TANGO6: variants seen among roughly 807,000 people sequenced by gnomAD.
TANGO6 encodes transport and golgi organization 6 homolog, also known as transport and Golgi organization protein 6 homolog.
Under a neutral mutation model 114.2 loss-of-function variants are expected in TANGO6, and 90 were observed. The ratio of observed to expected loss-of-function variants is 0.79; its 90% CI spans 0.66 to 0.94. The LOEUF (loss-of-function observed/expected upper bound fraction) is 0.94, where lower values mean the gene tolerates loss of function less well. TANGO6 is among the 40% of genes least tolerant of loss of function. The pLI is 0.00. For missense variants in TANGO6, 1,274 were observed against 1,315.3 expected (o/e 0.97, Z 0.49); for synonymous variants, 477 against 509.8 (o/e 0.94, Z 0.87).
intron 15 of TANGO6, among the ~76,000 whole-genome samples, chr16:68,980,765 G>A (rs1487663455): frequency 3.3e-5 from 5 of 152,172 alleles, no homozygotes; most frequent in African/African-American, 7.2e-5. Flanking sequence ...TTGGGAGGCC[G>A]AGGTGGGCGG....
intron 12 of TANGO6, among the ~76,000 whole-genome samples, chr16:68,921,043 C>G (rs1156270645): frequency 1.4e-5 from 2 of 140,300 alleles, no homozygotes; most frequent in African/African-American, 5.4e-5. Flanking sequence ...GCGGAGGTTG[C>G]AGTGGGCGGA....
At chr16:68,992,235 C>T (rs1963952389) in intron 15 of TANGO6, among the ~76,000 whole-genome samples, 2 of 152,022 alleles carry the variant, frequency 1.3e-5, no homozygotes, top group Non-Finnish European at 2.9e-5. Context: ...AATAAGAATT[C>T]GACATATGGA....
At chr16:68,932,342 C>CG (rs1212124618) in intron 14 of TANGO6, among the ~76,000 whole-genome samples, 13 of 150,394 alleles carry the variant, frequency 8.6e-5, no homozygotes, top group Admixed American at 8.6e-4. Flanking sequence ...CCACCCGCCT[C>CG]GGCCTCCCAA....
In TANGO6 at chr16:68,860,384, T is replaced by G. The variant is rs1202406804; in HGVS notation, c.595T>G (p.Cys199Gly). ...TGCAACTCGAAGACTGTACACCAGC[T>G]GCAAGGCCCTTCTGAATGTTGCTCA... ...PDATRRLYTS[C>G]KALLNVAQHT... Residue 199 changes from cysteine to glycine, a missense_variant, in exon 2 of 18, where the codon TGC becomes GGC. Coordinates refer to ENST00000261778, the MANE Select transcript of TANGO6 (RefSeq NM_024562.2). 6.2e-7 allele frequency: 1 copy of G among 1,614,030 alleles called. No homozygotes were observed. The highest frequency in any genetic ancestry group is 1.7e-5 in the Admixed American group (1 of 60,018).
chr16:68,987,682 A>G (rs571161518), intron 15 of TANGO6, among the ~76,000 whole-genome samples: 3 of 152,288 alleles, frequency 2.0e-5, no homozygotes, highest in African/African-American at 7.2e-5. Context: ...TAAATTGTTT[A>G]TATACTAACA....
chr16:68,860,578 G>A, intron 2 of TANGO6, 54 bp downstream of exon 2: 1 of 1,570,264 alleles, frequency 6.4e-7, no homozygotes, highest in Admixed American at 1.8e-5. Flanking sequence ...ATGAATGTGT[G>A]TATATATTTG....
chr16:68,947,083 A>G (rs1247946839), intron 14 of TANGO6, among the ~76,000 whole-genome samples: 1 of 152,126 alleles, frequency 6.6e-6, no homozygotes, highest in Non-Finnish European at 1.5e-5. Flanking sequence ...CTTAATCTTA[A>G]TCTTATTTTT....
chr16:68,977,842 C>G (rs376994418), intron 15 of TANGO6, among the ~76,000 whole-genome samples: 86 of 151,722 alleles, frequency 5.7e-4, no homozygotes, highest in African/African-American at 1.9e-3. Flanking sequence ...CACACCACCA[C>G]GCCCGGCTAA....
intron 17 of TANGO6, among the ~76,000 whole-genome samples, chr16:69,063,808 C>CTTCTTCTTCTTATTATTATTATTA (rs56983779): frequency 7.2e-5 from 9 of 125,576 alleles, no homozygotes; most frequent in Admixed American, 2.6e-4. Flanking sequence ...TCTTCTTCTT[C>CTTCTTCTTCTTATTATTATTATTA]TTATTATTAT....
At chr16:68,966,770 A>ATTTT (rs772432410) in intron 14 of TANGO6, among the ~76,000 whole-genome samples, 1 of 129,088 alleles carries the variant, frequency 7.7e-6, no homozygotes, top group Admixed American at 7.9e-5. Flanking sequence ...TGTCTGGCTA[A>ATTTT]TTTTTTTTTT....
chr16:68,936,809 AT>A (rs1363030687), intron 14 of TANGO6, among the ~76,000 whole-genome samples: 2 of 148,906 alleles, frequency 1.3e-5, no homozygotes, highest in African/African-American at 5.0e-5. Context: ...AGAGAAAAAA[AT>A]AAAAAAAAAA....
intron 7 of TANGO6, among the ~76,000 whole-genome samples, chr16:68,892,764 C>CTTGG (rs1555521804): frequency 6.6e-6 from 1 of 152,174 alleles, no homozygotes; most frequent in Non-Finnish European, 1.5e-5. Context: ...ATCTGCCCGC[C>CTTGG]TTGGCCTCCC....
At chr16:68,922,392 C>T (rs1445254056) in intron 12 of TANGO6, among the ~76,000 whole-genome samples, 2 of 151,906 alleles carry the variant, frequency 1.3e-5, no homozygotes, top group East Asian at 1.9e-4. Context: ...AAAAATCAGC[C>T]GGGCTTGGTG....
chr16:68,890,695 G>C (rs1962600841), intron 7 of TANGO6, among the ~76,000 whole-genome samples: 1 of 152,210 alleles, frequency 6.6e-6, no homozygotes, highest in East Asian at 1.9e-4. Flanking sequence ...GACCAGCCTG[G>C]CCAATATGGT....
At chr16:69,006,716 A>C (rs1452349017) in intron 15 of TANGO6, among the ~76,000 whole-genome samples, 1 of 152,178 alleles carries the variant, frequency 6.6e-6, no homozygotes, top group African/African-American at 2.4e-5. Context: ...GCACCACTGC[A>C]CTCCAGCCTG....
chr16:68,891,255 G>A (rs974930042), intron 7 of TANGO6, among the ~76,000 whole-genome samples: 9 of 144,326 alleles, frequency 6.2e-5, no homozygotes, highest in Non-Finnish European at 1.3e-4. Context: ...TCGCACCATT[G>A]CACTCCAGCC....
intron 17 of TANGO6, among the ~76,000 whole-genome samples, chr16:69,069,576 C>T (rs1960266459): frequency 6.6e-6 from 1 of 152,112 alleles, no homozygotes; most frequent in Admixed American, 6.6e-5. Context: ...GCCACCAGCT[C>T]CAGTTCACCT....
At chr16:68,992,930 G>A (rs565002065) in intron 15 of TANGO6, among the ~76,000 whole-genome samples, 6 of 152,040 alleles carry the variant, frequency 3.9e-5, no homozygotes, top group African/African-American at 7.2e-5. Context: ...TTAGCTGGGC[G>A]TGGTGGCTCG....
chr16:68,877,097 T>C (rs1006501328), intron 5 of TANGO6, among the ~76,000 whole-genome samples: 18 of 152,234 alleles, frequency 1.2e-4, no homozygotes, highest in Non-Finnish European at 2.4e-4. Context: ...TTGATCGATA[T>C]GCTTTATGTA....
Sources: allele counts gnomAD v4.1 joint callset (sites outside exome capture counted in the v4.1 genomes callset), GRCh38; gene constraint gnomAD v4.1.1; transcripts MANE v1.5; gene names NCBI Gene and HGNC (gene_info 2026-07-23, HGNC 2026-07-21).